Variants in SSH2 observed in about 807,000 individuals in gnomAD.
SSH2 encodes slingshot protein phosphatase 2, also known as protein phosphatase Slingshot homolog 2.
Under a neutral mutation model 135.2 loss-of-function variants are expected in SSH2, and 37 were observed. The ratio of observed to expected loss-of-function variants is 0.27; its 90% CI spans 0.21 to 0.36. The LOEUF is 0.36. SSH2 is among the 10% of genes least tolerant of loss of function. SSH2 has a pLI of 1.00. For missense variants in SSH2, 1,408 were observed against 1,765.3 expected, an observed-to-expected ratio of 0.80 and a Z score of 3.63; for synonymous variants, 628 against 646.2, an observed-to-expected ratio of 0.97 and a Z score of 0.43.
intron 1 of SSH2, among the ~76,000 whole-genome samples, chr17:29,919,015 C>T (rs918805110): frequency 3.3e-5 from 5 of 152,074 alleles, no homozygotes; most frequent in African/African-American, 9.7e-5. Flanking sequence ...TTCCCACTCA[C>T]TCTTCAAGGC....
intron 3 of SSH2, among the ~76,000 whole-genome samples, chr17:29,731,877 C>T (rs2040211972): frequency 1.3e-5 from 2 of 152,150 alleles, no homozygotes; most frequent in Admixed American, 6.5e-5. Flanking sequence ...TGGATCCTTG[C>T]TTCCACTGGA....
chr17:29,793,464 T>C (rs1186923454), intron 3 of SSH2, among the ~76,000 whole-genome samples: 1 of 152,156 alleles, frequency 6.6e-6, no homozygotes, highest in Non-Finnish European at 1.5e-5. Context: ...CAGTTGATAT[T>C]TTCCTGAAAG....
At chr17:29,689,314 TTTA>T (rs1014820724) in intron 5 of SSH2, among the ~76,000 whole-genome samples, 8 of 152,218 alleles carry the variant, frequency 5.3e-5, no homozygotes, top group Non-Finnish European at 1.0e-4. Context: ...AATCTAATAA[TTTA>T]TTAACACAAT....
At chr17:29,864,369 C>A (rs1432780526) in intron 1 of SSH2, 2 of 149,324 alleles carry the variant, frequency 1.3e-5, no homozygotes, top group East Asian at 2.0e-4. Context: ...CTAAAAGAAC[C>A]CAGTAAGGTT....
intron 2 of SSH2, among the ~76,000 whole-genome samples, chr17:29,838,198 G>A (rs752662539): frequency 6.6e-5 from 10 of 152,222 alleles, no homozygotes; most frequent in South Asian, 2.1e-4. Context: ...ACCCAGCCAC[G>A]TGTATGCATG....
At chr17:29,860,902 C>T (rs373945761) in intron 1 of SSH2, among the ~76,000 whole-genome samples, 2 of 151,494 alleles carry the variant, frequency 1.3e-5, no homozygotes, top group Admixed American at 6.6e-5. Context: ...TGTGCCATGA[C>T]GCCCGGCTAA....
At chr17:29,671,845 C>T in intron 9 of SSH2, 90 bp downstream of exon 9, 1 of 1,135,930 alleles carries the variant, frequency 8.8e-7, no homozygotes. Flanking sequence ...ATTAACTCCC[C>T]AAGAGAAAAG....
intron 11 of SSH2, among the ~76,000 whole-genome samples, chr17:29,664,654 TGGCCAGA>T (rs1417791345): frequency 6.6e-6 from 1 of 152,036 alleles, no homozygotes; most frequent in Non-Finnish European, 1.5e-5. Context: ...CCACCACACC[TGGCCAGA>T]ATTATTTTTT....
intron 3 of SSH2, among the ~76,000 whole-genome samples, chr17:29,756,714 G>T (rs2041141285): frequency 6.6e-6 from 1 of 151,946 alleles, no homozygotes; most frequent in South Asian, 2.1e-4. Flanking sequence ...GAGTGCAGTG[G>T]TGAGATCTTC....
intron 14 of SSH2, among the ~76,000 whole-genome samples, chr17:29,641,066 TG>T (rs1369646185): frequency 6.6e-6 from 1 of 152,168 alleles, no homozygotes; most frequent in Non-Finnish European, 1.5e-5. Flanking sequence ...TGCGCCACCA[TG>T]CCTGGCTAAT....
chr17:29,914,326 C>G (rs1024304501), intron 1 of SSH2, among the ~76,000 whole-genome samples: 45 of 151,738 alleles, frequency 3.0e-4, no homozygotes, highest in African/African-American at 1.1e-3. Context: ...TTTGGGAGTA[C>G]AAGGCAGGAG....
At chr17:29,910,047 G>A (rs544390756) in intron 1 of SSH2, among the ~76,000 whole-genome samples, 1 of 152,326 alleles carries the variant, frequency 6.6e-6, no homozygotes, top group Admixed American at 6.5e-5. Context: ...TTGGACTCAA[G>A]TAGTCCTCCT....
At chr17:29,661,077 A>G (rs935276110) in intron 11 of SSH2, among the ~76,000 whole-genome samples, 5 of 151,658 alleles carry the variant, frequency 3.3e-5, no homozygotes, top group Non-Finnish European at 7.4e-5. Flanking sequence ...AAAAAAAAAA[A>G]AAAAAGAAAA....
rs774619298 is a variant in SSH2, at chr17:29,631,413, G to A, written c.3781C>T (p.Arg1261Cys). Residue 1261 changes from arginine to cysteine, a missense_variant, in exon 16 of 16, where the codon CGT (arginine) becomes TGT (cysteine). Physicochemically the swap from Arg to Cys is radical, Grantham distance 180. This residue lies in a region of SSH2 where 1,080 missense variants were observed against 1,144.5 expected (regional missense o/e 0.94). Coordinates refer to ENST00000540801, the MANE Select transcript of SSH2 (RefSeq NM_001282129.2). Reference protein sequence around the residue: ...LSHSPGVVKERAKEIESRVVF... With the variant: ...LSHSPGVVKECAKEIESRVVF... ...ACTCGAGACTCGATTTCTTTAGCACGCTCCTTCACCACACCGGGGCTGTGG... is the reference window on the plus strand; with the variant it reads ...ACTCGAGACTCGATTTCTTTAGCACACTCCTTCACCACACCGGGGCTGTGG... 6.2e-7 allele frequency: 1 copy of A among 1,614,092 alleles called. No individual in the cohort carries two copies. The highest frequency in any genetic ancestry group is 1.1e-5 in the South Asian group (1 of 91,076).
intron 5 of SSH2, among the ~76,000 whole-genome samples, chr17:29,694,172 A>G (rs887339290): frequency 6.6e-6 from 1 of 152,218 alleles, no homozygotes; most frequent in African/African-American, 2.4e-5. Flanking sequence ...AGTGTGGTCC[A>G]GGGAAGCCAA....
chr17:29,656,880 A>G (rs777708292), intron 11 of SSH2, among the ~76,000 whole-genome samples: 3 of 152,216 alleles, frequency 2.0e-5, no homozygotes, highest in Non-Finnish European at 4.4e-5. Flanking sequence ...TACACTATAC[A>G]TATTTGAATT....
chr17:29,908,763 G>GA (rs60242323), intron 1 of SSH2, among the ~76,000 whole-genome samples: 2,228 of 50,822 alleles, frequency 0.044, 134 homozygotes, highest in African/African-American at 0.087. Context: ...GACTCCATCT[G>GA]AAAAAAAAAA....
intron 1 of SSH2, among the ~76,000 whole-genome samples, chr17:29,898,646 C>G (rs1361550840): frequency 6.6e-6 from 1 of 152,028 alleles, no homozygotes; most frequent in Non-Finnish European, 1.5e-5. Context: ...TAATAGCTTA[C>G]CAACCAAAAA....
rs2042630304 is a variant in SSH2, at chr17:29,820,325, C to T, written c.145-26388G>A. 3.3e-5 allele frequency among the ~76,000 whole-genome samples: 5 copies of T among 152,216 alleles called. No homozygotes were observed. The South Asian group carries it at 1.0e-3, about 31-fold the overall frequency. On this transcript the variant is annotated intron_variant, in intron 2 of 15. Transcript: ENST00000540801. ...TGTGTGAGCAAAGAAAGATCTGTTTCTGTATTGGCTCTTAACACTCTAAGA... is the reference window on the plus strand; with the variant it reads ...TGTGTGAGCAAAGAAAGATCTGTTTTTGTATTGGCTCTTAACACTCTAAGA...
Sources: gnomAD v4.1 joint callset for allele counts (sites outside exome capture counted in the v4.1 genomes callset) on GRCh38, gnomAD v4.1.1 for gene constraint, gnomAD v4.1.1 regional missense constraint, MANE v1.5 for transcripts, NCBI Gene and HGNC (gene_info 2026-07-23, HGNC 2026-07-21) for gene names.